FOXJ3: variants seen among roughly 807,000 people sequenced by gnomAD.
The protein encoded by FOXJ3 is forkhead box J3.
FOXJ3 carries 22 observed loss-of-function variants against 76.1 expected under a neutral mutation model. The observed-to-expected ratio is 0.29, with a 90% CI of 0.21 to 0.41. The LOEUF is 0.41. Ranked by LOEUF, FOXJ3 falls within the 10% of genes least tolerant of loss-of-function variation. The pLI is 1.00. For synonymous variants in FOXJ3, 269 were observed against 261.2 expected (o/e 1.03, Z -0.29); for missense variants, 613 against 762.1 (o/e 0.80, Z 2.30).
intron 2 of FOXJ3, among the ~76,000 whole-genome samples, chr1:42,283,643 T>G (rs1349071344): frequency 6.6e-6 from 1 of 152,196 alleles, no homozygotes; most frequent in Non-Finnish European, 1.5e-5. Context: ...CATTTCATCT[T>G]AAGACCTGCG....
Position 42,191,209 on chromosome 1 carries a change from G to A in FOXJ3, c.1351+94C>T, listed in dbSNP as rs947381331. 8.7e-6 allele frequency: 10 copies of A among 1,152,154 alleles called. No homozygotes were observed. The East Asian group carries it at 9.5e-5, about 11-fold the overall frequency. 71.4% of individuals were successfully genotyped at this position (1,152,154 alleles called of 1,614,324 possible). A position where few individuals can be genotyped will look rare whatever the true frequency, so the allele number is the denominator to read the frequency against. ...TATAGCAAGGAAACAGATGTAAAGA[G>A]GTTTTGGTAGTAAATACTACATGAG... On this transcript the variant is annotated intron_variant, in intron 9 of 12. Transcript: ENST00000361346.
In FOXJ3 at chr1:42,177,117, G is replaced by A. The variant is rs145380873; in HGVS notation, c.*2593C>T. ...CTACCATACAAAATGGCCACTAGAG[G>A]GACTCTCTGCACCTCACCAGGTAAC... On this transcript the variant is annotated 3_prime_UTR_variant, in exon 13 of 13. Coordinates refer to ENST00000361346, the MANE Select transcript of FOXJ3 (RefSeq NM_014947.5). The A allele has an allele frequency of 1.3e-5, 2 of 152,660 alleles. No homozygotes were observed. The highest frequency in any genetic ancestry group is 3.9e-4 in the East Asian group (2 of 5,180). The allele number at this position is 152,660 out of a possible 1,614,324, so 9.5% of individuals were successfully genotyped here.
intron 11 of FOXJ3, among the ~76,000 whole-genome samples, chr1:42,188,255 T>C (rs75146821): frequency 0.021 from 3,158 of 152,232 alleles, 108 homozygotes; most frequent in African/African-American, 0.072. Flanking sequence ...TTAAAAAATA[T>C]ACAGGAAAGA....
At chr1:42,188,166 T>C (rs1235270852) in intron 11 of FOXJ3, among the ~76,000 whole-genome samples, 1 of 152,130 alleles carries the variant, frequency 6.6e-6, no homozygotes, top group Non-Finnish European at 1.5e-5. Flanking sequence ...AACTTGGATA[T>C]GAAATTCCTA....
chr1:42,289,104 A>C (rs997257330), intron 2 of FOXJ3, among the ~76,000 whole-genome samples: 1 of 151,992 alleles, frequency 6.6e-6, no homozygotes, highest in Non-Finnish European at 1.5e-5. Flanking sequence ...TTAAGCACTA[A>C]TTTTTTAAGG....
intron 4 of FOXJ3, among the ~76,000 whole-genome samples, chr1:42,237,158 G>A (rs529326665): frequency 3.8e-4 from 57 of 151,934 alleles, no homozygotes; most frequent in Admixed American, 1.0e-3. Context: ...GGTGGATCAC[G>A]AGGTAAGGAG....
At chr1:42,275,616 C>T (rs1652201903) in intron 3 of FOXJ3, among the ~76,000 whole-genome samples, 1 of 152,108 alleles carries the variant, frequency 6.6e-6, no homozygotes, top group Admixed American at 6.6e-5. Context: ...GAGCTAGGAT[C>T]ATACCACTGA....
intron 5 of FOXJ3, among the ~76,000 whole-genome samples, chr1:42,206,843 T>C (rs1207016220): frequency 1.3e-5 from 2 of 152,128 alleles, no homozygotes; most frequent in South Asian, 2.1e-4. Flanking sequence ...CTTCTTCTTG[T>C]TTTTTGGGAT....
Position 42,265,303 on chromosome 1 carries a change from T to C in FOXJ3, c.370-114A>G, listed in dbSNP as rs75210456. On this transcript the variant is annotated intron_variant, in intron 3 of 12. Coordinates refer to ENST00000361346, the MANE Select transcript of FOXJ3 (RefSeq NM_014947.5). ...TTATGCTTTGCAAAACAATTACAAA[T>C]GGAATAAACTTTTTAATCAGCTTAA... 8.7e-4 allele frequency: 493 copies of C among 566,418 alleles called. 3 individuals carry two copies. Among genetic ancestry groups the C allele is most frequent in the African/African-American group, 8.7e-3 (449 of 51,784 alleles). The allele number at this position is 566,418 out of a possible 1,614,324, so 35.1% of individuals were successfully genotyped here. A position where few individuals can be genotyped will look rare whatever the true frequency, so the allele number is the denominator to read the frequency against.
intron 7 of FOXJ3, among the ~76,000 whole-genome samples, chr1:42,197,704 A>G (rs1323360636): frequency 6.6e-6 from 1 of 151,788 alleles, no homozygotes; most frequent in African/African-American, 2.4e-5. Flanking sequence ...AAGAAATAAC[A>G]GTCTCGCTCT....
chr1:42,224,356 A>G (rs992585556), intron 5 of FOXJ3, among the ~76,000 whole-genome samples: 1 of 152,214 alleles, frequency 6.6e-6, no homozygotes, highest in Non-Finnish European at 1.5e-5. Context: ...AAGAAATATA[A>G]TAATAACAGA....
rs1646827406 is a variant in FOXJ3, at chr1:42,204,701, AC to A, written c.630+1060del. Among the ~76,000 whole-genome samples, 3 of 149,080 alleles carry A rather than the reference AC, an allele frequency of 2.0e-5. No homozygotes were observed. In the South Asian group the frequency reaches 6.5e-4, roughly 32 times the overall value. On this transcript the variant is annotated intron_variant, in intron 6 of 12. Transcript: ENST00000361346. ...TCCTGGGATTACCACCACTACCACC[AC>A]CCCCCACCCCCCAACTGCCCCATAA...
At chr1:42,319,619 A>G (rs1431204023) in intron 1 of FOXJ3, among the ~76,000 whole-genome samples, 2 of 152,200 alleles carry the variant, frequency 1.3e-5, no homozygotes, top group Non-Finnish European at 2.9e-5. Context: ...GAATATACTA[A>G]AAAACACTGA....
rs773574960 is a variant in FOXJ3, at chr1:42,191,306, A to C, written c.1348T>G (p.Ser450Ala). The C allele has an allele frequency of 6.5e-7, 1 of 1,536,340 alleles. No homozygotes were observed. Among genetic ancestry groups the C allele is most frequent in the East Asian group, 2.3e-5 (1 of 44,050 alleles). Residue 450 changes from serine (S) to alanine (A), a missense_variant, in exon 9 of 13, where the codon TCT (serine) becomes GCT (alanine). Physicochemically the swap from Ser to Ala is moderately conservative, Grantham distance 99. Transcript: ENST00000361346. ...PPPPQQVSCN[S>A]GVSNDWYATL... ...AAACCAGGAGACAAAAACTTACCAG[A>C]ATTACAGGATACCTGTTGTGGGGGT... is the stretch of plus-strand genomic sequence containing the variant.
At chr1:42,186,511 C>T (rs1252861083) in intron 11 of FOXJ3, among the ~76,000 whole-genome samples, 2 of 151,908 alleles carry the variant, frequency 1.3e-5, no homozygotes, top group Admixed American at 6.6e-5. Context: ...AGGAGGAGGG[C>T]CCTAACAAAA....
intron 2 of FOXJ3, among the ~76,000 whole-genome samples, chr1:42,309,286 C>T (rs57865206): frequency 0.74 from 111,757 of 151,942 alleles, 41,262 homozygotes; most frequent in Admixed American, 0.81. Context: ...ACCTCCTCCA[C>T]TCCTCCTCAA....
chr1:42,195,204 CT>C, intron 7 of FOXJ3, 140 bp from the exon 8 acceptor site: 1 of 584,872 alleles, frequency 1.7e-6, no homozygotes, highest in East Asian at 3.2e-5. Flanking sequence ...TTCCCATCCT[CT>C]GTTAAAGCAT....
intron 4 of FOXJ3, among the ~76,000 whole-genome samples, chr1:42,234,996 C>A (rs1413797798): frequency 6.6e-6 from 1 of 152,232 alleles, no homozygotes; most frequent in Non-Finnish European, 1.5e-5. Flanking sequence ...GCCCTGCCCC[C>A]AGAGGTGGAG....
At chr1:42,204,323 T>G (rs1391077557) in intron 6 of FOXJ3, among the ~76,000 whole-genome samples, 1 of 152,124 alleles carries the variant, frequency 6.6e-6, no homozygotes, top group Non-Finnish European at 1.5e-5. Context: ...GCTATGTATG[T>G]CTGGTATTTT....
Sources: gnomAD v4.1 joint callset for allele counts (sites outside exome capture counted in the v4.1 genomes callset) on GRCh38, gnomAD v4.1.1 for gene constraint, MANE v1.5 for transcripts, NCBI Gene and HGNC (gene_info 2026-07-23, HGNC 2026-07-21) for gene names.